Variants in ZNF536 observed in about 807,000 individuals in gnomAD.
ZNF536 encodes zinc finger protein 536.
A neutral mutation model predicts 84.5 loss-of-function variants in ZNF536; 13 were observed. The ratio of observed to expected loss-of-function variants is 0.15; its 90% CI spans 0.10 to 0.24. ZNF536 has a LOEUF of 0.24. Ranked by LOEUF, ZNF536 falls within the 10% of genes least tolerant of loss-of-function variation. ZNF536 has a pLI of 1.00. For synonymous variants in ZNF536, 811 were observed against 742.5 expected, an observed-to-expected ratio of 1.09 and a Z score of -1.50; for missense variants, 1,536 against 1,747.5, an observed-to-expected ratio of 0.88 and a Z score of 2.16.
At position 30,343,192 on chromosome 19, in the gene ZNF536, A is replaced by G. The variant is rs113358020; in HGVS notation, c.-119-9176A>G. Among the ~76,000 whole-genome samples, 625 of 152,308 alleles carry G rather than the reference A, an allele frequency of 4.1e-3. 4 individuals carry two copies. The highest frequency in any genetic ancestry group is 0.014 in the African/African-American group (594 of 41,560). On this transcript the variant is annotated intron_variant, in intron 2 of 5. Coordinates refer to the ZNF536 transcript ENST00000585628. ...TCCTAAGAAAGAGGCTTTCACATGA[A>G]TGTTTCTGGAAAAAGGGCTTGCAAG...
chr19:30,596,677 A>T (rs962539965), intron 1 of ZNF536, among the ~76,000 whole-genome samples: 1 of 152,156 alleles, frequency 6.6e-6, no homozygotes, highest in Non-Finnish European at 1.5e-5. Context: ...AAAGGGAAAA[A>T]AAAAAGTAGT....
intron 1 of ZNF536, among the ~76,000 whole-genome samples, chr19:30,422,015 A>C (rs2147856877): frequency 6.6e-6 from 1 of 152,358 alleles, no homozygotes; most frequent in East Asian, 1.9e-4. Context: ...TTAATTAAAA[A>C]AATATTAGCA....
chr19:30,372,656 T>TG (rs1246585363), intron 1 of ZNF536, 100 bp downstream of exon 1: 1 of 152,178 alleles, frequency 6.6e-6, no homozygotes, highest in Non-Finnish European at 1.5e-5. Context: ...CCCACCCACA[T>TG]GCAGACACGC....
chr19:30,327,648 T>A (rs2047082730), intron 2 of ZNF536, among the ~76,000 whole-genome samples: 1 of 152,160 alleles, frequency 6.6e-6, no homozygotes. Flanking sequence ...GCACCCTTCA[T>A]TTGGGAGGTG....
chr19:30,686,968 C>A (rs565958527), intron 1 of ZNF536, among the ~76,000 whole-genome samples: 1 of 152,320 alleles, frequency 6.6e-6, no homozygotes, highest in South Asian at 2.1e-4. Context: ...AGTAGCCTAT[C>A]CGATCCCTCC....
At chr19:30,615,091 T>A (rs7252039) in intron 1 of ZNF536, among the ~76,000 whole-genome samples, 1 of 137,526 alleles carries the variant, frequency 7.3e-6, no homozygotes, top group Non-Finnish European at 1.6e-5. Flanking sequence ...GGACTACAGG[T>A]GCGCGCCACC....
At chr19:30,323,326 C>A (rs2046919530) in intron 2 of ZNF536, among the ~76,000 whole-genome samples, 1 of 152,206 alleles carries the variant, frequency 6.6e-6, no homozygotes, top group Admixed American at 6.5e-5. Context: ...CATTGACTAC[C>A]CTTTCTCCTC....
At chr19:30,683,136 C>A (rs1417342122) in intron 1 of ZNF536, among the ~76,000 whole-genome samples, 1 of 152,096 alleles carries the variant, frequency 6.6e-6, no homozygotes, top group Non-Finnish European at 1.5e-5. Flanking sequence ...CTCCGGCTGC[C>A]CTCTAGGTGG....
Position 30,324,899 on chromosome 19 carries a change from G to T in ZNF536, c.-119-27469G>T, listed in dbSNP as rs2046973218. Among the ~76,000 whole-genome samples the T allele has an allele frequency of 2.0e-5, 3 of 152,180 alleles. No homozygotes were observed. In the South Asian group the frequency reaches 6.2e-4, roughly 32 times the overall value. On this transcript the variant is annotated intron_variant, in intron 2 of 5. Coordinates refer to the ZNF536 transcript ENST00000585628. ...GACTGCTGAGCTGGCTCTCCCTAGGGCACTAGTGGCGAACAACAGTCCTGT... is the reference window on the plus strand; with the variant it reads ...GACTGCTGAGCTGGCTCTCCCTAGGTCACTAGTGGCGAACAACAGTCCTGT...
intron 2 of ZNF536, among the ~76,000 whole-genome samples, chr19:30,491,669 C>G (rs1471467343): frequency 6.6e-6 from 1 of 152,032 alleles, no homozygotes; most frequent in Non-Finnish European, 1.5e-5. Context: ...TGTGCACTAA[C>G]AAAAAATTCT....
At chr19:30,599,079 C>T (rs2047579168) in intron 1 of ZNF536, among the ~76,000 whole-genome samples, 1 of 130,512 alleles carries the variant, frequency 7.7e-6, no homozygotes, top group African/African-American at 2.9e-5. Context: ...CTCCCTGTTT[C>T]CTCTTTCCCT....
chr19:30,232,275 A>T (rs1441272475), intron 1 of ZNF536, among the ~76,000 whole-genome samples: 7 of 152,132 alleles, frequency 4.6e-5, no homozygotes, highest in African/African-American at 1.7e-4. Flanking sequence ...TCTGATTTTT[A>T]AAAAATAATT....
chr19:30,595,286 T>C (rs2047421038), intron 1 of ZNF536, among the ~76,000 whole-genome samples: 1 of 152,078 alleles, frequency 6.6e-6, no homozygotes, highest in African/African-American at 2.4e-5. Flanking sequence ...TCACGGTTCT[T>C]TTTTTTAATT....
At chr19:30,254,173 C>G (rs2024781141) in intron 1 of ZNF536, among the ~76,000 whole-genome samples, 1 of 152,094 alleles carries the variant, frequency 6.6e-6, no homozygotes. Context: ...TACACCATTC[C>G]TTGATATATG....
At chr19:30,498,509 T>C (rs1173146161) in intron 2 of ZNF536, among the ~76,000 whole-genome samples, 1 of 152,060 alleles carries the variant, frequency 6.6e-6, no homozygotes, top group South Asian at 2.1e-4. Context: ...ACCTAGGTGA[T>C]GGGTTAACAG....
At chr19:30,230,444 A>G (rs1233280415) in intron 1 of ZNF536, among the ~76,000 whole-genome samples, 5 of 152,156 alleles carry the variant, frequency 3.3e-5, no homozygotes, top group Non-Finnish European at 5.9e-5. Context: ...CTGTGCCTGG[A>G]GTGGTTAACT....
chr19:30,357,329 C>T (rs1356548713), intron 3 of ZNF536, among the ~76,000 whole-genome samples: 3 of 152,030 alleles, frequency 2.0e-5, no homozygotes, highest in East Asian at 1.9e-4. Flanking sequence ...GGCCTCATGG[C>T]GGGGAAGAGC....
intron 1 of ZNF536, among the ~76,000 whole-genome samples, chr19:30,706,990 C>T (rs571475216): frequency 1.6e-4 from 24 of 152,300 alleles, no homozygotes; most frequent in African/African-American, 5.5e-4. Context: ...GCTTGTAGGC[C>T]TCCAGCTACA....
At chr19:30,254,541 A>G (rs1303791676) in intron 1 of ZNF536, among the ~76,000 whole-genome samples, 1 of 148,654 alleles carries the variant, frequency 6.7e-6, no homozygotes, top group East Asian at 1.9e-4. Context: ...TTTTTTTTTA[A>G]AGTCTCTTCC....
Sources: gnomAD v4.1 joint callset for allele counts (sites outside exome capture counted in the v4.1 genomes callset) on GRCh38, gnomAD v4.1.1 for gene constraint, MANE v1.5 for transcripts, NCBI Gene and HGNC (gene_info 2026-07-23, HGNC 2026-07-21) for gene names.